The following TFPI variants were observed in gnomAD, a reference collection of about 807,000 sequenced individuals.
TFPI encodes the protein tissue factor pathway inhibitor, also known as anti-convertin.
Under a neutral mutation model 34.6 loss-of-function variants are expected in TFPI, and 15 were observed. The observed-to-expected ratio is 0.43, with a 90% confidence interval of 0.29 to 0.67. The LOEUF is 0.67. TFPI is among the 30% of genes least tolerant of loss of function. The pLI is 0.15. For synonymous variants in TFPI, 105 were observed against 120.1 expected, an observed-to-expected ratio of 0.87 and a Z score of 0.82; for missense variants, 301 against 364.0, an observed-to-expected ratio of 0.83 and a Z score of 1.41.
intron 1 of TFPI, among the ~76,000 whole-genome samples, chr2:187,538,630 A>C (rs1688399563): frequency 6.6e-6 from 1 of 152,152 alleles, no homozygotes; most frequent in Non-Finnish European, 1.5e-5. Flanking sequence ...AGAAATACCT[A>C]ATGTAGATGA....
chr2:187,521,244 C>CA (rs1329449998), intron 1 of TFPI, among the ~76,000 whole-genome samples: 1 of 151,882 alleles, frequency 6.6e-6, no homozygotes, highest in Non-Finnish European at 1.5e-5. Flanking sequence ...CTTAGTATAC[C>CA]ATCCATGTTG....
chr2:187,551,769 G>C (rs1358575738), intron 1 of TFPI, among the ~76,000 whole-genome samples: 1 of 152,058 alleles, frequency 6.6e-6, no homozygotes, highest in African/African-American at 2.4e-5. Context: ...AAGAATTATA[G>C]TACTGCTATA....
At chr2:187,514,412 A>C (rs1686851691) in intron 1 of TFPI, 1 of 152,204 alleles carries the variant, frequency 6.6e-6, no homozygotes, top group Non-Finnish European at 1.5e-5. Flanking sequence ...AGTCATGCCA[A>C]GCTCTTTCTG....
chr2:187,470,466 C>T (rs1010822288), intron 6 of TFPI, among the ~76,000 whole-genome samples: 2 of 152,106 alleles, frequency 1.3e-5, no homozygotes, highest in Non-Finnish European at 2.9e-5. Context: ...CTAGATTGGA[C>T]GTATGAGAAG....
chr2:187,506,238 G>A (rs529079275), intron 1 of TFPI, among the ~76,000 whole-genome samples: 16 of 151,950 alleles, frequency 1.1e-4, no homozygotes, highest in Admixed American at 3.9e-4. Context: ...TCCCCCCATA[G>A]TTCAGCAGAG....
intron 1 of TFPI, among the ~76,000 whole-genome samples, chr2:187,552,049 T>G (rs944847522): frequency 1.3e-5 from 2 of 152,136 alleles, no homozygotes; most frequent in African/African-American, 4.8e-5. Flanking sequence ...ATTTAATTAA[T>G]TTATACTGAT....
intron 1 of TFPI, among the ~76,000 whole-genome samples, chr2:187,508,890 G>T (rs1489397483): frequency 6.6e-6 from 1 of 152,124 alleles, no homozygotes; most frequent in Non-Finnish European, 1.5e-5. Flanking sequence ...CAAAGGGAAT[G>T]CTTCCAGGTT....
chr2:187,539,676 G>A (rs1424465307), intron 1 of TFPI, among the ~76,000 whole-genome samples: 1 of 152,050 alleles, frequency 6.6e-6, no homozygotes, highest in African/African-American at 2.4e-5. Flanking sequence ...TAGATAGAGA[G>A]CTAGAAAAAA....
intron 1 of TFPI, among the ~76,000 whole-genome samples, chr2:187,507,658 A>AT (rs1293219257): frequency 6.6e-6 from 1 of 151,006 alleles, no homozygotes; most frequent in East Asian, 2.0e-4. Flanking sequence ...TTTTGATGGG[A>AT]TTGTTTTTTT....
In TFPI at chr2:187,488,395, T is replaced by C; in HGVS notation, c.320-20A>G. The C allele has an allele frequency of 1.4e-6, 2 of 1,448,474 alleles. No homozygotes were observed. Among genetic ancestry groups the C allele is most frequent in the Non-Finnish European group, 9.2e-7 (1 of 1,081,838 alleles). 89.7% of individuals were successfully genotyped at this position (1,448,474 alleles called of 1,614,324 possible). On this transcript the variant is annotated intron_variant, in intron 3 of 7. Coordinates refer to ENST00000233156, the MANE Select transcript of TFPI (RefSeq NM_006287.6). ...CATTATCTGTAATCAAAAGAATATA[T>C]GCATATCAATTGTCACAATTTATAA... is the stretch of plus-strand genomic sequence containing the variant.
At chr2:187,496,729 G>C in intron 3 of TFPI, 152 bp downstream of exon 3, 1 of 695,764 alleles carries the variant, frequency 1.4e-6, no homozygotes, top group Non-Finnish European at 2.3e-6. Flanking sequence ...AATGTTTTTA[G>C]GATTCCCTGA....
chr2:187,491,108 G>A (rs8176490), intron 3 of TFPI, among the ~76,000 whole-genome samples: 11,355 of 151,846 alleles, frequency 0.075, 532 homozygotes, highest in African/African-American at 0.13. Flanking sequence ...AGATAATGCT[G>A]ATTTGAAAAG....
At chr2:187,534,330 T>G (rs1013683226) in intron 1 of TFPI, among the ~76,000 whole-genome samples, 1 of 152,168 alleles carries the variant, frequency 6.6e-6, no homozygotes, top group Non-Finnish European at 1.5e-5. Context: ...AAATGTTGGG[T>G]TTCCCATAAA....
At chr2:187,501,262 C>T (rs994174189) in intron 2 of TFPI, among the ~76,000 whole-genome samples, 2 of 152,030 alleles carry the variant, frequency 1.3e-5, no homozygotes, top group African/African-American at 4.8e-5. Context: ...TTTTATGTCT[C>T]ATAGTCTAAA....
chr2:187,506,579 C>T (rs1297493307), intron 1 of TFPI, among the ~76,000 whole-genome samples: 1 of 152,108 alleles, frequency 6.6e-6, no homozygotes, highest in East Asian at 1.9e-4. Context: ...TGTCATCTCT[C>T]CTTAAGTTCC....
In TFPI at chr2:187,545,558, C is replaced by T. The variant is rs140124203; in HGVS notation, c.-3+8642G>A. ...TTCAACTCAGACATAGGAATGTGAC[C>T]ATTCAAGGAAAGGGCAACTGCAAAG... On this transcript the variant is annotated intron_variant, in intron 1 of 7. Transcript: ENST00000233156. Among the ~76,000 whole-genome samples, 7 of 152,162 alleles carry T rather than the reference C, an allele frequency of 4.6e-5. No individual in the cohort carries two copies. In the East Asian group the frequency reaches 1.4e-3, roughly 29 times the overall value.
chr2:187,531,900 T>C (rs1687975835), intron 1 of TFPI, among the ~76,000 whole-genome samples: 1 of 151,108 alleles, frequency 6.6e-6, no homozygotes, highest in Non-Finnish European at 1.5e-5. Context: ...AGAATGAAGA[T>C]TTCTTACCAA....
Position 187,484,844 on chromosome 2 carries a change from G to A in TFPI, c.502C>T (p.Leu168=), listed in dbSNP as rs1322577461. 3 of 1,590,828 alleles carry A rather than the reference G, an allele frequency of 1.9e-6. No homozygotes were observed. The highest frequency in any genetic ancestry group is 2.6e-6 in the Non-Finnish European group (3 of 1,171,914). The change falls in exon 5 of 8, where the codon CTG becomes TTG. Residue 168 remains leucine (L), a synonymous_variant. Coordinates refer to ENST00000233156, the MANE Select transcript of TFPI (RefSeq NM_006287.6). Reference sequence around the variant, plus strand: ...TCACAAATGTTCTTGCATTCTTCCAGTGTCTCAAAATTGTTCATATTGCCC... The same window carrying A: ...TCACAAATGTTCTTGCATTCTTCCAATGTCTCAAAATTGTTCATATTGCCC... ...CLGNMNNFET[L]EECKNICEDG...
chr2:187,477,494 A>G (rs576778656), intron 6 of TFPI, among the ~76,000 whole-genome samples: 21 of 152,142 alleles, frequency 1.4e-4, no homozygotes, highest in Non-Finnish European at 2.8e-4. Flanking sequence ...TAAGAACTGT[A>G]AACAGTGCTT....
Sources: gnomAD v4.1 joint callset for allele counts (sites outside exome capture counted in the v4.1 genomes callset) on GRCh38, gnomAD v4.1.1 for gene constraint, MANE v1.5 for transcripts, NCBI Gene and HGNC (gene_info 2026-07-23, HGNC 2026-07-21) for gene names.